Variants in CACNA1C observed in about 807,000 individuals in gnomAD.
The protein encoded by CACNA1C is voltage-dependent L-type calcium channel subunit alpha-1C.
A neutral mutation model predicts 229.0 loss-of-function variants in CACNA1C; 30 were observed. The observed-to-expected ratio is 0.13, with a 90% CI of 0.10 to 0.18. CACNA1C has a LOEUF of 0.18. Among genes scored for constraint, CACNA1C ranks in the 10% least tolerant of loss-of-function variants. The probability of loss-of-function intolerance (pLI) is 1.00; values close to 1 mark genes in which losing one functional copy is unlikely to be tolerated. For synonymous variants in CACNA1C, 1,114 were observed against 1,132.5 expected, an observed-to-expected ratio of 0.98 and a Z score of 0.33; for missense variants, 1,658 against 2,845.0, an observed-to-expected ratio of 0.58 and a Z score of 9.49.
At chr12:2,048,044 A>C (rs186522197), upstream of CACNA1C, among the ~76,000 whole-genome samples, 8 of 152,298 alleles carry the variant, frequency 5.3e-5, no homozygotes, top group Non-Finnish European at 8.8e-5. Flanking sequence ...GAAGGAGGAG[A>C]TCTAGCAGGA....
chr12:2,034,221 G>C lies in CACNA1C; in HGVS notation c.139+63020G>C, dbSNP rs1450994365. 1.3e-5 allele frequency among the ~76,000 whole-genome samples: 2 copies of C among 152,162 alleles called. No individual in the cohort carries two copies. The highest frequency in any genetic ancestry group is 4.8e-5 in the African/African-American group (2 of 41,436). ...TTCAGTGACTCGCCCAAACTCACAT[G>C]CTTAGTGTGGGAAAGTTAAGATTTT... On this transcript the variant is annotated intron_variant, in intron 1 of 46. Coordinates refer to the CACNA1C transcript ENST00000682462. This position sits in a 1 kb window ranked among gnomAD's most constrained non-coding sequence, Gnocchi z 4.1.
chr12:2,036,231 G>A (rs1479867159), intron 1 of CACNA1C, among the ~76,000 whole-genome samples: 1 of 152,208 alleles, frequency 6.6e-6, no homozygotes, highest in Non-Finnish European at 1.5e-5. Context: ...AGTCCAGAAA[G>A]CCATCTATCC....
intron 1 of CACNA1C, among the ~76,000 whole-genome samples, chr12:2,101,371 G>A (rs1049157824): frequency 1.3e-5 from 2 of 152,204 alleles, no homozygotes; most frequent in African/African-American, 4.8e-5. Flanking sequence ...CTGCTGTCCT[G>A]ACAGGGTGGA....
intron 3 of CACNA1C, among the ~76,000 whole-genome samples, chr12:2,148,714 A>G (rs2094952467): frequency 6.6e-6 from 1 of 150,792 alleles, no homozygotes; most frequent in South Asian, 2.1e-4. Flanking sequence ...ACACCCGGCG[A>G]GTTTTTGTAA....
intron 3 of CACNA1C, among the ~76,000 whole-genome samples, chr12:2,318,361 G>A (rs1592643756): frequency 6.6e-6 from 1 of 152,194 alleles, no homozygotes; most frequent in Admixed American, 6.5e-5. Flanking sequence ...TAAGCAAGGC[G>A]ACAGCGGAGA....
intron 1 of CACNA1C, among the ~76,000 whole-genome samples, chr12:2,045,636 T>A (rs1211814073): frequency 6.6e-6 from 1 of 152,076 alleles, no homozygotes; most frequent in Non-Finnish European, 1.5e-5. Context: ...GTATTATAAG[T>A]GAAGAAACTG....
intron 5 of CACNA1C, among the ~76,000 whole-genome samples, chr12:2,471,482 C>G (rs1195884996): frequency 6.6e-6 from 1 of 152,184 alleles, no homozygotes; most frequent in Non-Finnish European, 1.5e-5. Flanking sequence ...TTGAAGCAAC[C>G]CAATGGCATT....
chr12:2,530,416 G>T (rs373632125), intron 9 of CACNA1C, among the ~76,000 whole-genome samples: 2 of 152,320 alleles, frequency 1.3e-5, no homozygotes, highest in East Asian at 3.9e-4. Context: ...TGGTACTGGT[G>T]TTACTGGTTC....
At chr12:2,614,675 T>C (rs1174413454) in intron 29 of CACNA1C, 1 of 152,236 alleles carries the variant, frequency 6.6e-6, no homozygotes, top group Non-Finnish European at 1.5e-5. Flanking sequence ...GTTGTTTGTG[T>C]ATGACCCAGA....
chr12:2,193,206 G>C (rs1294476415), intron 3 of CACNA1C, among the ~76,000 whole-genome samples: 1 of 152,228 alleles, frequency 6.6e-6, no homozygotes, highest in Non-Finnish European at 1.5e-5. Context: ...TGAAATTCCA[G>C]CACTTTGGGA....
rs56762419 is a variant in CACNA1C, at chr12:2,313,281, A to C, written c.478-135695A>C. Among the ~76,000 whole-genome samples, 101 of 152,284 alleles carry C rather than the reference A, an allele frequency of 6.6e-4. No homozygotes were observed. The East Asian group carries it at 0.014, about 21-fold the overall frequency. On this transcript the variant is annotated intron_variant, in intron 3 of 46. Coordinates refer to ENST00000399655, the MANE Select transcript of CACNA1C (RefSeq NM_000719.7). ...GGGGATGTGGTGCCTGGCATGTGGC[A>C]GGCATCCACTACATTCTGCGGGCTG...
chr12:2,418,165 C>T (rs1275001884), intron 3 of CACNA1C, among the ~76,000 whole-genome samples: 7 of 152,134 alleles, frequency 4.6e-5, no homozygotes, highest in South Asian at 2.1e-4. Flanking sequence ...CCTAGCATTA[C>T]GGCAGGCATC....
At chr12:2,153,939 G>A (rs1052438814) in intron 3 of CACNA1C, among the ~76,000 whole-genome samples, 1 of 152,168 alleles carries the variant, frequency 6.6e-6, no homozygotes, top group Non-Finnish European at 1.5e-5. Flanking sequence ...GCTTTCACCC[G>A]TCCTTGGACA....
At position 2,566,388 on chromosome 12, in the gene CACNA1C, C is replaced by G; in HGVS notation, c.1509-34C>G. Reference sequence around the variant, plus strand: ...GTTGGAGGAAACCTGAATTCACAGCCAACCCCACCCTTCTCTCCCTGTCCC... The same window carrying G: ...GTTGGAGGAAACCTGAATTCACAGCGAACCCCACCCTTCTCTCCCTGTCCC... On this transcript the variant is annotated intron_variant, in intron 11 of 46. Coordinates refer to ENST00000399655, the MANE Select transcript of CACNA1C (RefSeq NM_000719.7). This position sits in a 1 kb window ranked among gnomAD's most constrained non-coding sequence, Gnocchi z 4.0. 6.5e-7 allele frequency: 1 copy of G among 1,541,882 alleles called. No homozygotes were observed. Among genetic ancestry groups the G allele is most frequent in the Non-Finnish European group, 8.8e-7 (1 of 1,140,922 alleles).
In CACNA1C at chr12:2,057,121, C is replaced by T. The variant is rs114204354; in HGVS notation, c.49+3510C>T. ...CCGTTAGCCCCGTGGGACCATCTCT[C>T]AGTCTTGGCAATGACCTAGGTCTCT... On this transcript the variant is annotated intron_variant, in intron 1 of 46. Transcript: ENST00000399655. Among the ~76,000 whole-genome samples, 1,016 of 152,356 alleles carry T rather than the reference C, an allele frequency of 6.7e-3. 7 individuals carry two copies. Among genetic ancestry groups the T allele is most frequent in the African/African-American group, 0.023 (967 of 41,576 alleles).
At chr12:2,280,099 A>G (rs1346436413) in intron 3 of CACNA1C, among the ~76,000 whole-genome samples, 1 of 152,194 alleles carries the variant, frequency 6.6e-6, no homozygotes, top group Middle Eastern at 3.4e-3. Flanking sequence ...GGCATATTCA[A>G]CCAATTTGCT....
intron 3 of CACNA1C, among the ~76,000 whole-genome samples, chr12:2,273,165 T>A (rs958462073): frequency 6.6e-6 from 1 of 152,208 alleles, no homozygotes; most frequent in Non-Finnish European, 1.5e-5. Context: ...AAATGCATAG[T>A]GTTTTCATAT....
At chr12:2,581,424 A>C (rs2060457276) in intron 13 of CACNA1C, among the ~76,000 whole-genome samples, 166 bp from the exon 14 acceptor site, 1 of 152,148 alleles carries the variant, frequency 6.6e-6, no homozygotes, top group Admixed American at 6.5e-5. Context: ...AACTCCCTCC[A>C]GGGTGGCAAC....
intron 3 of CACNA1C, among the ~76,000 whole-genome samples, chr12:2,330,118 G>A (rs2096494333): frequency 6.6e-6 from 1 of 152,190 alleles, no homozygotes; most frequent in South Asian, 2.1e-4. Context: ...CTGAGAGAAG[G>A]GTGGATGGTA....
Sources: allele counts gnomAD v4.1 joint callset (sites outside exome capture counted in the v4.1 genomes callset), GRCh38; gene constraint gnomAD v4.1.1; non-coding constraint Gnocchi (gnomAD v3.1); transcripts MANE v1.5; gene names NCBI Gene and HGNC (gene_info 2026-07-23, HGNC 2026-07-21).